Variants in PMM2 observed in about 807,000 individuals in gnomAD.
The protein encoded by PMM2 is phosphomannomutase 2.
Under a neutral mutation model 33.2 loss-of-function variants are expected in PMM2, and 35 were observed. The ratio of observed to expected loss-of-function variants is 1.06; its 90% CI spans 0.81 to 1.40. PMM2 has a LOEUF of 1.40. Ranked by LOEUF, PMM2 falls within the 40% of genes most tolerant of loss-of-function variation. The pLI is 0.00. For synonymous variants in PMM2, 153 were observed against 114.7 expected, an observed-to-expected ratio of 1.33 and a Z score of -2.13; for missense variants, 386 against 306.0, an observed-to-expected ratio of 1.26 and a Z score of -1.95.
chr16:8,799,172 A>G (rs1399762527), intron 1 of PMM2, among the ~76,000 whole-genome samples: 1 of 152,216 alleles, frequency 6.6e-6, no homozygotes, highest in Non-Finnish European at 1.5e-5. Context: ...CCCTATATAA[A>G]TAAGAGTGGC....
chr16:8,843,262 G>A (rs1210645395), intron 7 of PMM2, among the ~76,000 whole-genome samples: 1 of 152,118 alleles, frequency 6.6e-6, no homozygotes, highest in African/African-American at 2.4e-5. Flanking sequence ...CGATTAAACA[G>A]TGGGTGGACT....
At chr16:8,822,726 C>A (rs2060745025) in intron 7 of PMM2, among the ~76,000 whole-genome samples, 1 of 152,168 alleles carries the variant, frequency 6.6e-6, no homozygotes, top group African/African-American at 2.4e-5. Flanking sequence ...TTTCTGCTGA[C>A]AGGGAGCGTA....
rs181877356 is a variant in PMM2 at position 8,837,657 on chromosome 16, G to T, written c.640-10067G>T. Among the ~76,000 whole-genome samples, 481 of 152,002 alleles carry T rather than the reference G, an allele frequency of 3.2e-3. 3 individuals are homozygous for T. Among genetic ancestry groups the T allele is most frequent in the African/African-American group, 0.011 (436 of 41,488 alleles). ...GGGCGCAGAGATACATGGGGTTGGG[G>T]TACTTACCCCTCCCCTAGAAAAGCA... On this transcript the variant is annotated intron_variant, in intron 7 of 7. Transcript: ENST00000268261.
At chr16:8,816,641 T>C (rs549638100) in intron 7 of PMM2, among the ~76,000 whole-genome samples, 1 of 152,174 alleles carries the variant, frequency 6.6e-6, no homozygotes, top group South Asian at 2.1e-4. Context: ...CTTGGGAGGC[T>C]GAGGCAGGAG....
At chr16:8,801,339 A>G (rs1335723036) in intron 1 of PMM2, among the ~76,000 whole-genome samples, 1 of 152,208 alleles carries the variant, frequency 6.6e-6, no homozygotes, top group Non-Finnish European at 1.5e-5. Context: ...CAACTAAAAT[A>G]TTTGAACTAT....
At chr16:8,810,999 C>G (rs563497815) in intron 4 of PMM2, 80 bp from the exon 5 acceptor site, 1 of 836,172 alleles carries the variant, frequency 1.2e-6, no homozygotes, top group Non-Finnish European at 2.0e-6. Flanking sequence ...TAGAATTTCC[C>G]AAGATTTTAG....
chr16:8,836,175 G>A (rs111617048), intron 7 of PMM2, among the ~76,000 whole-genome samples: 29 of 151,958 alleles, frequency 1.9e-4, no homozygotes, highest in Middle Eastern at 3.4e-3. Context: ...GGTAGCCTCC[G>A]TATTGATTAA....
intron 7 of PMM2, chr16:8,832,686 A>C: frequency 2.0e-6 from 2 of 985,414 alleles, no homozygotes; most frequent in Non-Finnish European, 2.4e-6. Context: ...CCCGTTCTCC[A>C]GAAAGATCCT....
Position 8,848,064 on chromosome 16 carries a change from C to A in PMM2, c.*239C>A, listed in dbSNP as rs1596510164. On this transcript the variant is annotated 3_prime_UTR_variant, in exon 8 of 8. Transcript: ENST00000268261. ...GCCTCGCACAAAAGGTCTTCCCCAC[C>A]CACCCCCAGCCCCCTAGTCTAATAC... 1.1e-5 allele frequency: 6 copies of A among 535,178 alleles called. No homozygotes were observed. The highest frequency in any genetic ancestry group is 3.3e-5 in the East Asian group (1 of 30,338). 33.2% of individuals were successfully genotyped at this position (535,178 alleles called of 1,614,324 possible). A position where few individuals can be genotyped will look rare whatever the true frequency, so the allele number is the denominator to read the frequency against.
intron 1 of PMM2, among the ~76,000 whole-genome samples, chr16:8,798,173 T>C (rs747253774): frequency 3.9e-5 from 6 of 152,206 alleles, no homozygotes; most frequent in Non-Finnish European, 7.3e-5. Flanking sequence ...TGAAGAACTC[T>C]TAAGAGCAGG....
intron 7 of PMM2, chr16:8,832,741 C>T (rs9931331): frequency 0.59 from 579,184 of 984,706 alleles, 171,803 homozygotes; most frequent in East Asian, 0.78. Context: ...AGGCTTCAGG[C>T]GGCTACCCGT....
intron 4 of PMM2, 72 bp downstream of exon 4, chr16:8,806,479 T>C: frequency 1.1e-6 from 1 of 908,516 alleles, no homozygotes; most frequent in South Asian, 1.3e-5. Context: ...AATGTGGGCA[T>C]TCTCCAAATA....
chr16:8,805,769 T>C (rs771243825), intron 3 of PMM2, among the ~76,000 whole-genome samples: 3 of 152,014 alleles, frequency 2.0e-5, no homozygotes, highest in Non-Finnish European at 4.4e-5. Flanking sequence ...TTTGTATTTT[T>C]AGTAGAGGCA....
intron 7 of PMM2, among the ~76,000 whole-genome samples, chr16:8,843,434 T>A (rs1002033549): frequency 1.8e-4 from 27 of 152,052 alleles, no homozygotes; most frequent in Non-Finnish European, 3.5e-4. Context: ...CCAGGTGAGT[T>A]GAACAGTCCG....
At chr16:8,830,428 T>G (rs976804926) in intron 7 of PMM2, among the ~76,000 whole-genome samples, 1 of 152,102 alleles carries the variant, frequency 6.6e-6, no homozygotes, top group South Asian at 2.1e-4. Context: ...CTCCAAGAAT[T>G]TGGGGATTTG....
At chr16:8,819,991 T>A (rs781406620) in intron 7 of PMM2, among the ~76,000 whole-genome samples, 2 of 152,178 alleles carry the variant, frequency 1.3e-5, no homozygotes, top group Non-Finnish European at 2.9e-5. Flanking sequence ...AACATTTTAT[T>A]CTCCAGAAAT....
intron 7 of PMM2, among the ~76,000 whole-genome samples, chr16:8,822,965 A>G (rs1430947383): frequency 3.9e-5 from 6 of 152,222 alleles, no homozygotes; most frequent in African/African-American, 1.4e-4. Context: ...AATAGCTCCA[A>G]GAACCAATCA....
chr16:8,816,136 T>C (rs2060706902), intron 7 of PMM2, among the ~76,000 whole-genome samples: 2 of 152,100 alleles, frequency 1.3e-5, no homozygotes. Context: ...TTTTATTTTA[T>C]TTTATTTTGA....
intron 7 of PMM2, among the ~76,000 whole-genome samples, chr16:8,829,041 G>A (rs375230153): frequency 2.6e-5 from 4 of 152,054 alleles, no homozygotes; most frequent in South Asian, 4.2e-4. Flanking sequence ...GCAGTGGTGC[G>A]ATCTTAGCTC....
Sources: gnomAD v4.1 joint callset for allele counts (sites outside exome capture counted in the v4.1 genomes callset) on GRCh38, gnomAD v4.1.1 for gene constraint, MANE v1.5 for transcripts, NCBI Gene and HGNC (gene_info 2026-07-23, HGNC 2026-07-21) for gene names.